The following TARS3 variants were observed in gnomAD, a reference collection of about 807,000 sequenced individuals.
TARS3 encodes the protein threonyl-tRNA synthetase 3, also known as threonine--tRNA ligase 2, cytoplasmic.
Under a neutral mutation model 103.5 loss-of-function variants are expected in TARS3, and 94 were observed. The ratio of observed to expected loss-of-function variants is 0.91; its 90% CI spans 0.77 to 1.08. The LOEUF is 1.08. Among genes scored for constraint, TARS3 ranks in the 50% least tolerant of loss-of-function variants. The probability of loss-of-function intolerance (pLI) is 0.00; values close to 1 mark genes in which losing one functional copy is unlikely to be tolerated. For missense variants in TARS3, 952 were observed against 995.2 expected (o/e 0.96, Z 0.58); for synonymous variants, 416 against 355.4 (o/e 1.17, Z -1.92).
At chr15:101,711,790 G>A (rs11247320) in intron 5 of TARS3, 90 bp downstream of exon 5, 791,447 of 1,463,966 alleles carry the variant, frequency 0.54, 216,475 homozygotes, top group African/African-American at 0.7. Flanking sequence ...GTAAGGGCCA[G>A]CAGTATACAG....
intron 11 of TARS3, 24 bp downstream of exon 11, chr15:101,685,872 G>C: frequency 1.9e-6 from 3 of 1,598,878 alleles, no homozygotes; most frequent in Non-Finnish European, 2.6e-6. Context: ...TCATGAAAAG[G>C]TCTGCTTCGC....
intron 10 of TARS3, among the ~76,000 whole-genome samples, chr15:101,691,024 C>T (rs893236135): frequency 1.3e-5 from 2 of 151,838 alleles, no homozygotes; most frequent in Non-Finnish European, 2.9e-5. Context: ...CTGCAAGCTT[C>T]GTCTCCTGGG....
intron 10 of TARS3, among the ~76,000 whole-genome samples, chr15:101,689,774 GTTGTT>G (rs1432455076): frequency 6.6e-6 from 1 of 152,144 alleles, no homozygotes; most frequent in African/African-American, 2.4e-5. Context: ...ATAAATTTCT[GTTGTT>G]TTAAGTCACC....
At chr15:101,689,908 G>A (rs1898636730) in intron 10 of TARS3, among the ~76,000 whole-genome samples, 1 of 152,214 alleles carries the variant, frequency 6.6e-6, no homozygotes, top group East Asian at 1.9e-4. Flanking sequence ...GGGAAAAGAA[G>A]GCTCTGATGT....
chr15:101,707,300 A>G (rs1005294757), intron 6 of TARS3, among the ~76,000 whole-genome samples: 1 of 152,248 alleles, frequency 6.6e-6, no homozygotes, highest in Non-Finnish European at 1.5e-5. Context: ...ACTTAAAAAC[A>G]GAATTGCCAT....
At chr15:101,692,689 G>A (rs533763115) in intron 10 of TARS3, among the ~76,000 whole-genome samples, 1 of 152,182 alleles carries the variant, frequency 6.6e-6, no homozygotes, top group African/African-American at 2.4e-5. Context: ...CACTTCTGCA[G>A]GCCTAGTGAT....
At chr15:101,692,299 C>T (rs539531319) in intron 10 of TARS3, among the ~76,000 whole-genome samples, 226 of 150,302 alleles carry the variant, frequency 1.5e-3, no homozygotes, top group Admixed American at 2.5e-3. Flanking sequence ...TCTGGTATTA[C>T]TACTCCATCT....
rs1366742464 is a variant in TARS3, at chr15:101,703,955, G to T, written c.996-18C>A. On this transcript the variant is annotated intron_variant, in intron 7 of 18. Transcript: ENST00000335968. ...GACCGCACCTATAATGAAATATTTA[G>T]GACATGCTCAGGCACAGTTACAGTG... 2 of 1,576,524 alleles carry T rather than the reference G, an allele frequency of 1.3e-6. No homozygotes were observed.
intron 5 of TARS3, among the ~76,000 whole-genome samples, chr15:101,709,462 C>A (rs761181444): frequency 2.6e-5 from 4 of 152,210 alleles, no homozygotes; most frequent in Non-Finnish European, 5.9e-5. Flanking sequence ...ATCCCCACAC[C>A]AGGACAGTCC....
At chr15:101,681,618 C>T (rs1034319880) in intron 12 of TARS3, among the ~76,000 whole-genome samples, 1 of 152,192 alleles carries the variant, frequency 6.6e-6, no homozygotes. Context: ...TGATTCAGTT[C>T]CCTGGTGAGG....
At chr15:101,689,636 A>C (rs529818143) in intron 10 of TARS3, among the ~76,000 whole-genome samples, 13 of 152,342 alleles carry the variant, frequency 8.5e-5, no homozygotes, top group African/African-American at 2.6e-4. Flanking sequence ...GCCAAGGAAC[A>C]CTAAAGATGA....
intron 10 of TARS3, among the ~76,000 whole-genome samples, chr15:101,693,067 G>C (rs1022300279): frequency 6.6e-6 from 1 of 152,204 alleles, no homozygotes; most frequent in Non-Finnish European, 1.5e-5. Context: ...GTGTGACTGA[G>C]ATGAGCTTTA....
intron 18 of TARS3, 71 bp from the exon 19 acceptor site, chr15:101,654,801 T>C (rs1443845769): frequency 7.0e-7 from 1 of 1,433,880 alleles, no homozygotes; most frequent in South Asian, 1.2e-5. Context: ...AGCAGTCCCA[T>C]GACATGTTTT....
At chr15:101,697,041 G>C (rs1004391229) in intron 10 of TARS3, among the ~76,000 whole-genome samples, 2 of 152,134 alleles carry the variant, frequency 1.3e-5, no homozygotes, top group Non-Finnish European at 2.9e-5. Flanking sequence ...TCCCCCCTTT[G>C]TGAATATTCA....
rs1897992636 is a variant in TARS3, at chr15:101,675,663, T to C, written c.1725A>G (p.Leu575=). ...VYSTFGFSFQ[L]NLSTRPENFL... is the part of the protein sequence containing the mutation. ...AGTTTTCCGGCCTTGTTGACAGGTT[T>C]AATTGAAAGGAGAAGCCAAATGTTG... Residue 575 remains leucine, a synonymous_variant, in exon 13 of 19, where the codon TTA becomes TTG. Transcript: ENST00000335968. 6.2e-7 allele frequency: 1 copy of C among 1,614,030 alleles called. No individual in the cohort carries two copies. Among genetic ancestry groups the C allele is most frequent in the Admixed American group, 1.7e-5 (1 of 59,998 alleles).
intron 15 of TARS3, among the ~76,000 whole-genome samples, chr15:101,667,723 A>G (rs1034965844): frequency 6.6e-6 from 1 of 151,914 alleles, no homozygotes; most frequent in Non-Finnish European, 1.5e-5. Flanking sequence ...GGCACCCACC[A>G]CCACGCCCAG....
At position 101,708,917 on chromosome 15, in the gene TARS3, A is replaced by T; in HGVS notation, c.813-7T>A. ...TTCTGTGCTGGACACTGCTCTAAAA[A>T]GAAGAGCAGAGAACCGACATCCATC... On this transcript the variant is annotated splice_polypyrimidine_tract_variant and splice_region_variant and intron_variant, in intron 5 of 18. Coordinates refer to ENST00000335968, the MANE Select transcript of TARS3 (RefSeq NM_152334.3). 6.6e-7 allele frequency: 1 copy of T among 1,521,760 alleles called. No individual in the cohort carries two copies. The highest frequency in any genetic ancestry group is 8.9e-7 in the Non-Finnish European group (1 of 1,122,876). The allele number at this position is 1,521,760 out of a possible 1,614,324, so 94.3% of individuals were successfully genotyped here.
At chr15:101,658,893 A>G (rs1438747463) in intron 16 of TARS3, among the ~76,000 whole-genome samples, 2 of 152,152 alleles carry the variant, frequency 1.3e-5, no homozygotes, top group Admixed American at 6.5e-5. Flanking sequence ...CCCGAGTTCA[A>G]GTGATTCTCC....
At chr15:101,709,393 A>G (rs1389133862) in intron 5 of TARS3, among the ~76,000 whole-genome samples, 2 of 152,140 alleles carry the variant, frequency 1.3e-5, no homozygotes, top group East Asian at 1.9e-4. Context: ...CCCCCTGGTC[A>G]GTGCTCACTC....
Sources: allele counts gnomAD v4.1 joint callset (sites outside exome capture counted in the v4.1 genomes callset), GRCh38; gene constraint gnomAD v4.1.1; transcripts MANE v1.5; gene names NCBI Gene and HGNC (gene_info 2026-07-23, HGNC 2026-07-21).